IQCH: variants seen among roughly 807,000 people sequenced by gnomAD.
The protein encoded by IQCH is IQ motif containing H.
IQCH carries 98 observed loss-of-function variants against 117.0 expected under a neutral mutation model. That is an observed-to-expected ratio of 0.84 (90% confidence interval 0.71 to 0.99). The LOEUF is 0.99. Among genes scored for constraint, IQCH ranks in the 50% least tolerant of loss-of-function variants. The pLI is 0.00. For synonymous variants in IQCH, 412 were observed against 448.2 expected (o/e 0.92, Z 1.02); for missense variants, 1,102 against 1,243.8 (o/e 0.89, Z 1.72).
intron 17 of IQCH, among the ~76,000 whole-genome samples, chr15:67,468,453 C>T (rs2082987604): frequency 1.3e-5 from 2 of 152,182 alleles, no homozygotes; most frequent in Admixed American, 1.3e-4. Flanking sequence ...TTTTAGAACT[C>T]CTTCTTTGAA....
At position 67,465,269 on chromosome 15, in the gene IQCH, C is replaced by T. The variant is rs36067711; in HGVS notation, c.2648C>T (p.Thr883Ile). 2,767 of 1,613,860 alleles carry T rather than the reference C, an allele frequency of 1.7e-3. 42 individuals are homozygous for T. The South Asian group carries it at 0.022, about 13-fold the overall frequency. ...PRFVPKERKK[T>I]KCMSALSMPM... ...TTTGTTCCAAAGGAAAGGAAGAAAACCAAATGCATGAGTGCGCTGTCAATG... is the reference window on the plus strand; with the variant it reads ...TTTGTTCCAAAGGAAAGGAAGAAAATCAAATGCATGAGTGCGCTGTCAATG... The change falls in exon 17 of 21, where the codon ACC becomes ATC. Residue 883 changes from threonine (T) to isoleucine (I), a missense_variant. Thr to Ile is a moderately conservative substitution (Grantham distance 89). Around this residue, in one of 2 missense-constraint regions of IQCH, gnomAD observed 650 missense variants for 794.3 expected, o/e 0.82. Transcript: ENST00000335894. The surrounding 1 kb of genome is among the most constrained non-coding windows in gnomAD (Gnocchi z 5.9).
At chr15:67,478,269 C>T (rs1173600702) in intron 18 of IQCH, among the ~76,000 whole-genome samples, 1 of 151,936 alleles carries the variant, frequency 6.6e-6, no homozygotes, top group Non-Finnish European at 1.5e-5. Context: ...CCTATAATCC[C>T]AGCTACTCAG....
rs1228715222 is a variant in IQCH, at chr15:67,403,175, A to G, written c.2097+2870A>G. 6.6e-6 allele frequency among the ~76,000 whole-genome samples: 1 copy of G among 150,544 alleles called. No homozygotes were observed. Among genetic ancestry groups the G allele is most frequent in the East Asian group, 2.0e-4 (1 of 5,052 alleles). ...TGAGGCAGGAGAATTGCTTGAACCC[A>G]GGAGACAGAGGTTGCAGTGAGCCGA... On this transcript the variant is annotated intron_variant, in intron 14 of 20. Coordinates refer to ENST00000335894, the MANE Select transcript of IQCH (RefSeq NM_001031715.3). The surrounding 1 kb of genome is among the most constrained non-coding windows in gnomAD (Gnocchi z 4.8).
intron 1 of IQCH, among the ~76,000 whole-genome samples, chr15:67,259,791 C>G (rs144943642): frequency 6.6e-6 from 1 of 152,252 alleles, no homozygotes; most frequent in East Asian, 1.9e-4. Flanking sequence ...GATGGCAAAT[C>G]AGCTTGCAGC....
chr15:67,357,123 C>T (rs1268114632), intron 6 of IQCH, among the ~76,000 whole-genome samples: 4 of 152,196 alleles, frequency 2.6e-5, no homozygotes, highest in Non-Finnish European at 5.9e-5. Context: ...ATAAGGCGGG[C>T]TGACTTTGTA....
In IQCH at chr15:67,421,718, T is replaced by G. The variant is rs3743352; in HGVS notation, c.2505+141T>G. The G allele has an allele frequency of 3.6e-6, 3 of 834,650 alleles. No homozygotes were observed. The East Asian group carries it at 7.9e-5, about 22-fold the overall frequency. 51.7% of individuals were successfully genotyped at this position (834,650 alleles called of 1,614,324 possible). On this transcript the variant is annotated intron_variant, in intron 16 of 20. Transcript: ENST00000335894. The stretch of plus-strand genomic sequence containing the variant: ...GAACTTGCTCTAAATTCAACACCTA[T>G]ATGGCCCATGCGAATCCAAGTGGGA...
rs1179145094 is a variant in IQCH at position 67,385,486 on chromosome 15, T to C, written c.1456+467T>C. Among the ~76,000 whole-genome samples the C allele has an allele frequency of 6.6e-6, 1 of 152,204 alleles. No individual in the cohort carries two copies. Among genetic ancestry groups the C allele is most frequent in the Non-Finnish European group, 1.5e-5 (1 of 68,032 alleles). The stretch of plus-strand genomic sequence containing the variant: ...TTTAAAAGAAGCTTTTATTTAAATA[T>C]AGAGCATCTTATTATTAGAAAACGT... On this transcript the variant is annotated intron_variant, in intron 11 of 20. Coordinates refer to ENST00000335894, the MANE Select transcript of IQCH (RefSeq NM_001031715.3). The surrounding 1 kb of genome is among the most constrained non-coding windows in gnomAD (Gnocchi z 4.6).
At chr15:67,468,033 A>C (rs2082977054) in intron 17 of IQCH, among the ~76,000 whole-genome samples, 1 of 152,166 alleles carries the variant, frequency 6.6e-6, no homozygotes, top group Non-Finnish European at 1.5e-5. Flanking sequence ...ACAAAGAACC[A>C]CTTGAAGGTG....
chr15:67,256,872 GATT>G (rs1482293679), intron 1 of IQCH, among the ~76,000 whole-genome samples: 1 of 152,178 alleles, frequency 6.6e-6, no homozygotes, highest in African/African-American at 2.4e-5. Flanking sequence ...TATTAAGACT[GATT>G]CCTGTATAGT....
chr15:67,363,023 T>C (rs548354107), intron 8 of IQCH, among the ~76,000 whole-genome samples: 1 of 152,316 alleles, frequency 6.6e-6, no homozygotes. Context: ...AGGGCAGTTC[T>C]TAAGAGAATC....
chr15:67,400,491 C>CTTTTCTT (rs776111763), intron 14 of IQCH, among the ~76,000 whole-genome samples, 186 bp downstream of exon 14: 1 of 115,600 alleles, frequency 8.7e-6, no homozygotes, highest in African/African-American at 3.2e-5. Flanking sequence ...TCTTTTTTTT[C>CTTTTCTT]TTTTTTTTTT....
At chr15:67,438,229 A>C (rs1277193310) in intron 16 of IQCH, among the ~76,000 whole-genome samples, 3 of 152,212 alleles carry the variant, frequency 2.0e-5, no homozygotes, top group Non-Finnish European at 4.4e-5. Context: ...GCTAGAAGGG[A>C]TTGGGGACCT....
rs372354151 is a variant in IQCH at position 67,453,350 on chromosome 15, G to T, written c.2506-11777G>T. Among the ~76,000 whole-genome samples the T allele has an allele frequency of 6.6e-6, 1 of 151,932 alleles. No homozygotes were observed. On this transcript the variant is annotated intron_variant, in intron 16 of 20. Transcript: ENST00000335894. This position sits in a 1 kb window ranked among gnomAD's most constrained non-coding sequence, Gnocchi z 5.8. ...TCTGCTCTGTTTTTTTCCCATCTTT[G>T]TGGTTTTATCTACCTTTGGTCTTTG...
intron 18 of IQCH, 30 bp from the exon 19 acceptor site, chr15:67,489,973 A>T: frequency 6.9e-7 from 1 of 1,453,426 alleles, no homozygotes; most frequent in Non-Finnish European, 9.7e-7. Flanking sequence ...ATAATATACT[A>T]TTTCTTTTCT....
intron 8 of IQCH, among the ~76,000 whole-genome samples, chr15:67,361,328 C>T (rs992741495): frequency 3.3e-5 from 5 of 152,340 alleles, no homozygotes; most frequent in Non-Finnish European, 7.3e-5. Context: ...TTCCTAATGT[C>T]TTAAGTGGAT....
chr15:67,361,509 T>C (rs1970130650), intron 8 of IQCH, among the ~76,000 whole-genome samples: 1 of 152,362 alleles, frequency 6.6e-6, no homozygotes, highest in Admixed American at 6.5e-5. Flanking sequence ...GGAAACATAT[T>C]ACATTTATTG....
chr15:67,357,415 A>G lies in IQCH; in HGVS notation c.708A>G (p.Arg236=). 6.3e-7 allele frequency: 1 copy of G among 1,588,454 alleles called. No individual in the cohort carries two copies. Among genetic ancestry groups the G allele is most frequent in the Non-Finnish European group, 8.6e-7 (1 of 1,156,550 alleles). Residue 236 remains arginine (R), a synonymous_variant, in exon 7 of 21, where the codon AGA becomes AGG. Transcript: ENST00000335894. The part of the protein sequence containing the change: ...AEVKFFPKKQ[R]SKGKSRRSRG... Reference sequence around the variant, plus strand: ...TGAAGTTCTTTCCCAAGAAACAAAGATCAAAGGTATTTATATTCCTCACTA... The same window carrying G: ...TGAAGTTCTTTCCCAAGAAACAAAGGTCAAAGGTATTTATATTCCTCACTA...
At position 67,263,123 on chromosome 15, in the gene IQCH, T is replaced by G. The variant is rs137942706; in HGVS notation, c.176T>G (p.Ile59Ser). The G allele has an allele frequency of 5.5e-4, 800 of 1,467,268 alleles. 3 individuals are homozygous for G. The highest frequency in any genetic ancestry group is 4.3e-4 in the Non-Finnish European group (454 of 1,048,030). The allele number at this position is 1,467,268 out of a possible 1,614,324, so 90.9% of individuals were successfully genotyped here. The stretch of plus-strand genomic sequence containing the variant: ...TAAACTTTGACATTTCTGTAACAGA[T>G]TCACATTGAGAAGTATTTAAATGTT... ...AIKRTEVGLRIHIEKYLNVVN... is the reference protein window; with the variant it reads ...AIKRTEVGLRSHIEKYLNVVN... The change falls in exon 3 of 21, where the codon ATT becomes AGT. Residue 59 changes from isoleucine to serine, a missense_variant and splice_region_variant. Around this residue, in one of 2 missense-constraint regions of IQCH, gnomAD observed 452 missense variants for 449.6 expected, o/e 1.01. Coordinates refer to ENST00000335894, the MANE Select transcript of IQCH (RefSeq NM_001031715.3).
chr15:67,306,162 A>G (rs1277213044), intron 4 of IQCH, among the ~76,000 whole-genome samples: 1 of 152,122 alleles, frequency 6.6e-6, no homozygotes, highest in Non-Finnish European at 1.5e-5. Context: ...ACTGAAAAAC[A>G]GTATTTTCAT....
Sources: gnomAD v4.1 joint callset for allele counts (sites outside exome capture counted in the v4.1 genomes callset) on GRCh38, gnomAD v4.1.1 for gene constraint, gnomAD v4.1.1 regional missense constraint, Gnocchi (gnomAD v3.1) non-coding constraint, MANE v1.5 for transcripts, NCBI Gene and HGNC (gene_info 2026-07-23, HGNC 2026-07-21) for gene names.